The following ZNF423 variants were observed in gnomAD, a reference collection of about 807,000 sequenced individuals.
ZNF423 encodes the protein zinc finger protein 423, also known as Ebf-associated zinc finger protein.
A neutral mutation model predicts 95.8 loss-of-function variants in ZNF423; 12 were observed. The ratio of observed to expected loss-of-function variants is 0.13; its 90% confidence interval spans 0.08 to 0.20. The LOEUF is 0.20. ZNF423 is among the 10% of genes least tolerant of loss of function. ZNF423 has a pLI of 1.00. For synonymous variants in ZNF423, 749 were observed against 711.9 expected, an observed-to-expected ratio of 1.05 and a Z score of -0.83; for missense variants, 1,316 against 1,737.1, an observed-to-expected ratio of 0.76 and a Z score of 4.31.
At chr16:49,780,280 G>A (rs1299521911) in intron 2 of ZNF423, among the ~76,000 whole-genome samples, 2 of 152,204 alleles carry the variant, frequency 1.3e-5, no homozygotes, top group Non-Finnish European at 2.9e-5. Flanking sequence ...CCCAATGGGG[G>A]CCCCAAGGCT....
intron 1 of ZNF423, among the ~76,000 whole-genome samples, chr16:49,796,724 C>A (rs1417835269): frequency 6.6e-6 from 1 of 152,232 alleles, no homozygotes; most frequent in African/African-American, 2.4e-5. Flanking sequence ...CCAGAATGCT[C>A]CTTTCTGAAC....
At chr16:49,810,766 C>T (rs999108449) in intron 1 of ZNF423, among the ~76,000 whole-genome samples, 1 of 152,184 alleles carries the variant, frequency 6.6e-6, no homozygotes, top group Non-Finnish European at 1.5e-5. Context: ...CTCGGAAATG[C>T]CATGGGTATT....
At chr16:49,587,012 C>T (rs1210451967) in intron 5 of ZNF423, among the ~76,000 whole-genome samples, 1 of 152,136 alleles carries the variant, frequency 6.6e-6, no homozygotes, top group Non-Finnish European at 1.5e-5. Context: ...GGACAAGTAG[C>T]CCCTGTGAAG....
At chr16:49,778,870 G>T (rs1051626874) in intron 2 of ZNF423, among the ~76,000 whole-genome samples, 4 of 152,192 alleles carry the variant, frequency 2.6e-5, no homozygotes, top group African/African-American at 9.7e-5. Flanking sequence ...GCACCTTAGG[G>T]GTTGAGCACT....
chr16:49,575,965 G>A (rs1441579943), intron 5 of ZNF423, among the ~76,000 whole-genome samples: 2 of 152,110 alleles, frequency 1.3e-5, no homozygotes, highest in African/African-American at 4.8e-5. Flanking sequence ...GTCTTAGGGT[G>A]GGGTCCTTTT....
At chr16:49,503,439 A>G (rs1278700644) in intron 7 of ZNF423, among the ~76,000 whole-genome samples, 1 of 152,022 alleles carries the variant, frequency 6.6e-6, no homozygotes, top group Non-Finnish European at 1.5e-5. Flanking sequence ...GCTGGCCCAC[A>G]GCCTCAGCCA....
chr16:49,495,111 C>A (rs1003897975), intron 7 of ZNF423, among the ~76,000 whole-genome samples: 3 of 152,190 alleles, frequency 2.0e-5, no homozygotes, highest in African/African-American at 7.2e-5. Flanking sequence ...GGCATCCACT[C>A]GGCCTCGCTG....
intron 1 of ZNF423, among the ~76,000 whole-genome samples, chr16:49,797,066 C>T (rs761381250): frequency 1.3e-4 from 20 of 152,224 alleles, no homozygotes; most frequent in Non-Finnish European, 2.1e-4. Flanking sequence ...GCAAGGGGCA[C>T]GTGACTGCCC....
chr16:49,503,651 C>T (rs1450726505), intron 7 of ZNF423, among the ~76,000 whole-genome samples: 2 of 152,224 alleles, frequency 1.3e-5, no homozygotes, highest in East Asian at 3.8e-4. Context: ...GAGGCTTCAA[C>T]TCTGCATGTC....
chr16:49,620,555 C>G (rs141128701), intron 5 of ZNF423, among the ~76,000 whole-genome samples: 1 of 152,130 alleles, frequency 6.6e-6, no homozygotes, highest in Non-Finnish European at 1.5e-5. Context: ...CCTGGCTGCC[C>G]GCCAGAGAGT....
intron 1 of ZNF423, among the ~76,000 whole-genome samples, chr16:49,816,072 C>T (rs1310215485): frequency 6.6e-6 from 1 of 151,252 alleles, no homozygotes; most frequent in South Asian, 2.1e-4. Context: ...GCGCCCGCCA[C>T]TACGCCGGGC....
chr16:49,663,424 T>C (rs1414350450), intron 3 of ZNF423, among the ~76,000 whole-genome samples: 1 of 150,686 alleles, frequency 6.6e-6, no homozygotes, highest in Non-Finnish European at 1.5e-5. Context: ...ACAGAATCCA[T>C]CAGGAATCAT....
chr16:49,757,897 G>T (rs1021185313), intron 2 of ZNF423, among the ~76,000 whole-genome samples: 5 of 151,952 alleles, frequency 3.3e-5, no homozygotes, highest in Admixed American at 1.3e-4. Flanking sequence ...CCCCTGACCC[G>T]CCCTCGGCTC....
At chr16:49,821,419 G>C (rs1452926130) in intron 1 of ZNF423, among the ~76,000 whole-genome samples, 2 of 152,114 alleles carry the variant, frequency 1.3e-5, no homozygotes, top group African/African-American at 4.8e-5. Context: ...GCAGATGATT[G>C]CCTCTGATTC....
Position 49,492,149 on chromosome 16 carries a change from G to C in ZNF423, c.3850-845C>G, listed in dbSNP as rs1966997200. Among the ~76,000 whole-genome samples, 2 of 152,234 alleles carry C rather than the reference G, an allele frequency of 1.3e-5. No homozygotes were observed. The highest frequency in any genetic ancestry group is 4.1e-4 in the South Asian group (2 of 4,830). ...GGCCTGGGACTGGGGGTGGGATTTG[G>C]CATCTGAAAGCCGTCTTTTTGTTTC... On this transcript the variant is annotated intron_variant, in intron 7 of 7. Coordinates refer to ENST00000563137, the MANE Select transcript of ZNF423 (RefSeq NM_001379286.1). This position sits in a 1 kb window ranked among gnomAD's most constrained non-coding sequence, Gnocchi z 4.2.
chr16:49,651,436 C>G (rs997763317), intron 3 of ZNF423, among the ~76,000 whole-genome samples: 2 of 152,266 alleles, frequency 1.3e-5, no homozygotes, highest in South Asian at 2.1e-4. Flanking sequence ...CCCCCACCCC[C>G]CTGCATGCCC....
chr16:49,623,528 A>G (rs1380396365), intron 5 of ZNF423, among the ~76,000 whole-genome samples: 1 of 152,266 alleles, frequency 6.6e-6, no homozygotes, highest in Non-Finnish European at 1.5e-5. Flanking sequence ...AGGAACGCGC[A>G]TTAACATCTG....
rs151286281 is a variant in ZNF423 at position 49,537,604 on chromosome 16, C to A, written c.3602-12110G>T. Among the ~76,000 whole-genome samples, 1,140 of 152,284 alleles carry A rather than the reference C, an allele frequency of 7.5e-3. 48 individuals carry two copies. The highest frequency in any genetic ancestry group is 0.067 in the Admixed American group (1,029 of 15,292). On this transcript the variant is annotated intron_variant, in intron 5 of 7. Transcript: ENST00000563137. ...TGGGGAAGCGGGTCTTTCTTCAGTT[C>A]GGCTGAAAAGTCACCCAAGATAGCG...
At position 49,730,106 on chromosome 16, in the gene ZNF423, G is replaced by A. The variant is rs189313533; in HGVS notation, c.301+665C>T. Reference sequence around the variant, plus strand: ...ATCCCAGGGAATGCACATGCCCTCTGACTCCCCACCCCAATCACCCCAGAC... The same window carrying A: ...ATCCCAGGGAATGCACATGCCCTCTAACTCCCCACCCCAATCACCCCAGAC... On this transcript the variant is annotated intron_variant, in intron 3 of 7. Coordinates refer to ENST00000563137, the MANE Select transcript of ZNF423 (RefSeq NM_001379286.1). 1.1e-3 allele frequency among the ~76,000 whole-genome samples: 175 copies of A among 152,180 alleles called. 1 individual carries two copies. The highest frequency in any genetic ancestry group is 4.1e-3 in the African/African-American group (170 of 41,528).
Sources: gnomAD v4.1 joint callset for allele counts (sites outside exome capture counted in the v4.1 genomes callset) on GRCh38, gnomAD v4.1.1 for gene constraint, Gnocchi (gnomAD v3.1) non-coding constraint, MANE v1.5 for transcripts, NCBI Gene and HGNC (gene_info 2026-07-23, HGNC 2026-07-21) for gene names.